The following ACAD10 variants were observed in gnomAD, a reference collection of about 807,000 sequenced individuals.
ACAD10 encodes the protein ACAD-10.
Under a neutral mutation model 116.8 loss-of-function variants are expected in ACAD10, and 112 were observed. The ratio of observed to expected loss-of-function variants is 0.96; its 90% CI spans 0.82 to 1.12. ACAD10 has a LOEUF of 1.12. Among genes scored for constraint, ACAD10 ranks in the 50% most tolerant of loss-of-function variants. The probability of loss-of-function intolerance (pLI) is 0.00; values close to 1 mark genes in which losing one functional copy is unlikely to be tolerated. For missense variants in ACAD10, 1,259 were observed against 1,350.2 expected (o/e 0.93, Z 1.06); for synonymous variants, 486 against 510.6 (o/e 0.95, Z 0.65).
chr12:111,733,272 A>G (rs904796825), intron 10 of ACAD10, among the ~76,000 whole-genome samples: 1 of 151,210 alleles, frequency 6.6e-6, no homozygotes, highest in Non-Finnish European at 1.5e-5. Flanking sequence ...TAATTTTTAA[A>G]TTTTTTTTTG....
intron 7 of ACAD10, among the ~76,000 whole-genome samples, chr12:111,719,859 A>G (rs946588917): frequency 4.0e-5 from 6 of 151,822 alleles, no homozygotes; most frequent in Non-Finnish European, 8.8e-5. Flanking sequence ...TCCCGAGTAG[A>G]TGGGACTACA....
intron 2 of ACAD10, among the ~76,000 whole-genome samples, chr12:111,697,094 A>AAG (rs1478955734): frequency 4.6e-5 from 7 of 151,324 alleles, no homozygotes; most frequent in Admixed American, 2.0e-4. Context: ...AAAAAAAAAA[A>AAG]ATTGGGCATG....
At chr12:111,712,734 A>G in intron 6 of ACAD10, 77 bp downstream of exon 6, 1 of 1,480,734 alleles carries the variant, frequency 6.8e-7, no homozygotes, top group Non-Finnish European at 9.3e-7. Flanking sequence ...TTTCAACCCT[A>G]ATGGAATGGG....
intron 16 of ACAD10, 102 bp from the exon 17 acceptor site, chr12:111,748,215 T>G: frequency 7.0e-7 from 1 of 1,436,694 alleles, no homozygotes; most frequent in Non-Finnish European, 9.6e-7. Flanking sequence ...AAGAGCTCTG[T>G]CTGCTTCCTT....
At position 111,729,831 on chromosome 12, in the gene ACAD10, A is replaced by T; in HGVS notation, c.1269A>T (p.Arg423=). Reference sequence around the variant, plus strand: ...GGGACTATATTCCACGCCAGGTACGAACCTGGGTTAAGCAGTATCGAGCTT... The same window carrying T: ...GGGACTATATTCCACGCCAGGTACGTACCTGGGTTAAGCAGTATCGAGCTT... ...KQGDYIPRQV[R]TWVKQYRASE... The change falls in exon 10 of 21, where the codon CGA becomes CGT. Residue 423 remains arginine (R), a synonymous_variant. Transcript: ENST00000313698. 6.2e-7 allele frequency: 1 copy of T among 1,614,134 alleles called. No homozygotes were observed. Among genetic ancestry groups the T allele is most frequent in the Non-Finnish European group, 8.5e-7 (1 of 1,180,004 alleles).
At chr12:111,721,933 A>G (rs529513332) in intron 8 of ACAD10, 194 bp downstream of exon 8, 2 of 400,364 alleles carry the variant, frequency 5.0e-6, no homozygotes, top group East Asian at 7.2e-5. Context: ...TGCTTTAGGG[A>G]TAATTGGTAG....
At chr12:111,703,778 C>G (rs952651072) in intron 3 of ACAD10, among the ~76,000 whole-genome samples, 4 of 151,898 alleles carry the variant, frequency 2.6e-5, no homozygotes, top group African/African-American at 9.7e-5. Flanking sequence ...GCAGAGGTTA[C>G]AGTGAGCCAG....
At chr12:111,734,485 G>A (rs1055919639) in intron 11 of ACAD10, among the ~76,000 whole-genome samples, 3 of 152,128 alleles carry the variant, frequency 2.0e-5, no homozygotes, top group African/African-American at 7.2e-5. Context: ...TTAGCTGGAC[G>A]TGGTGGCGTG....
At chr12:111,736,258 C>T (rs1889561164) in intron 11 of ACAD10, among the ~76,000 whole-genome samples, 1 of 147,978 alleles carries the variant, frequency 6.8e-6, no homozygotes, top group South Asian at 2.1e-4. Flanking sequence ...GTGATCTCAG[C>T]TCACTGCAAC....
chr12:111,721,334 G>C (rs555685270), intron 7 of ACAD10, among the ~76,000 whole-genome samples: 9 of 152,140 alleles, frequency 5.9e-5, no homozygotes, highest in Non-Finnish European at 1.2e-4. Flanking sequence ...TTGGGAGGCC[G>C]GGGCAGGTGG....
chr12:111,694,509 T>TA (rs551885697), intron 2 of ACAD10, among the ~76,000 whole-genome samples: 2 of 150,276 alleles, frequency 1.3e-5, no homozygotes, highest in African/African-American at 2.4e-5. Flanking sequence ...AACCTGTCTC[T>TA]AAAAAAAAAG....
At chr12:111,694,361 T>G (rs891121291) in intron 2 of ACAD10, among the ~76,000 whole-genome samples, 2 of 152,070 alleles carry the variant, frequency 1.3e-5, no homozygotes, top group Non-Finnish European at 2.9e-5. Context: ...CACCCCCAAA[T>G]ATTCTTGCTC....
At chr12:111,723,608 C>A (rs1253945413) in intron 8 of ACAD10, among the ~76,000 whole-genome samples, 12 of 124,262 alleles carry the variant, frequency 9.7e-5, no homozygotes, top group Admixed American at 1.5e-4. Flanking sequence ...ACCCCCCCAC[C>A]TCCCTCCCGG....
chr12:111,729,560 T>C (rs1889326933), intron 9 of ACAD10, among the ~76,000 whole-genome samples: 2 of 152,222 alleles, frequency 1.3e-5, no homozygotes, highest in South Asian at 4.2e-4. Flanking sequence ...CCAGAGATCA[T>C]ACTTGGAGAC....
intron 2 of ACAD10, among the ~76,000 whole-genome samples, chr12:111,697,211 A>G (rs1458779623): frequency 6.6e-6 from 1 of 151,842 alleles, no homozygotes; most frequent in East Asian, 1.9e-4. Flanking sequence ...ACTGCACTCC[A>G]GCCTGGGTGA....
intron 20 of ACAD10, 120 bp from the exon 21 acceptor site, chr12:111,756,213 T>G (rs2068082266): frequency 6.9e-7 from 1 of 1,447,436 alleles, no homozygotes; most frequent in Non-Finnish European, 9.0e-7. Context: ...ATCACATAGG[T>G]GCCACAGGGA....
At chr12:111,704,210 C>T (rs1041257763) in intron 3 of ACAD10, among the ~76,000 whole-genome samples, 6 of 150,034 alleles carry the variant, frequency 4.0e-5, no homozygotes, top group East Asian at 2.0e-4. Context: ...GGAGCAATCT[C>T]GGCTCACTGC....
Position 111,736,850 on chromosome 12 carries a change from GAC to G in ACAD10, c.1564_1565del (p.Gln522AlafsTer23). On this transcript the variant is annotated frameshift_variant, in exon 12 of 21. Transcript: ENST00000313698. LOFTEE classifies it high-confidence loss of function. Reference sequence around the variant, plus strand: ...TCGCAGGTATTAATGACTGTGACTTGACACAGCTGGGAATCCCTGCTGCAGAG... The same window carrying G: ...TCGCAGGTATTAATGACTGTGACTTGACAGCTGGGAATCCCTGCTGCAGAG... ...VLRGINDCDL[T>X]QLGIPAAEEY... 1.2e-6 allele frequency: 2 copies of G among 1,613,806 alleles called. No individual in the cohort carries two copies. The highest frequency in any genetic ancestry group is 1.1e-5 in the South Asian group (1 of 91,022).
At chr12:111,749,489 T>C in intron 18 of ACAD10, 144 bp downstream of exon 18, 1 of 1,120,550 alleles carries the variant, frequency 8.9e-7, no homozygotes, top group Middle Eastern at 3.1e-4. Context: ...TGCATTCCTG[T>C]CTGCTTTGCA....
Sources: gnomAD v4.1 joint callset for allele counts (sites outside exome capture counted in the v4.1 genomes callset) on GRCh38, gnomAD v4.1.1 for gene constraint, MANE v1.5 for transcripts, NCBI Gene and HGNC (gene_info 2026-07-23, HGNC 2026-07-21) for gene names.